The following ZCCHC4 variants were observed in gnomAD, a reference collection of about 807,000 sequenced individuals.
ZCCHC4 encodes rRNA N(6)-adenosine-methyltransferase ZCCHC4.
ZCCHC4 carries 54 observed loss-of-function variants against 67.7 expected under a neutral mutation model. That is an observed-to-expected ratio of 0.80 (90% CI 0.64 to 1.00). The LOEUF (loss-of-function observed/expected upper bound fraction) is 1.00, where lower values mean the gene tolerates loss of function less well. ZCCHC4 is among the 50% of genes least tolerant of loss of function. ZCCHC4 has a pLI of 0.00. For missense variants in ZCCHC4, 609 were observed against 617.0 expected (o/e 0.99, Z 0.14); for synonymous variants, 198 against 213.5 (o/e 0.93, Z 0.63).
intron 3 of ZCCHC4, among the ~76,000 whole-genome samples, chr4:25,328,820 C>T (rs1055659317): frequency 1.3e-5 from 2 of 151,792 alleles, no homozygotes; most frequent in Non-Finnish European, 2.9e-5. Flanking sequence ...TGGGCTCAAG[C>T]GATCCTCTCA....
At chr4:25,332,838 C>A (rs1391735755) in intron 3 of ZCCHC4, among the ~76,000 whole-genome samples, 1 of 152,120 alleles carries the variant, frequency 6.6e-6, no homozygotes, top group African/African-American at 2.4e-5. Flanking sequence ...AAAAGTTAGA[C>A]ATGTGGATTT....
chr4:25,326,081 G>A (rs1297571776), intron 3 of ZCCHC4, among the ~76,000 whole-genome samples: 1 of 152,320 alleles, frequency 6.6e-6, no homozygotes, highest in Non-Finnish European at 1.5e-5. Context: ...AGTAATGGAG[G>A]CCCAACATCC....
Position 25,316,727 on chromosome 4 carries a change from A to G in ZCCHC4, c.329+1327A>G, listed in dbSNP as rs376500585. Among the ~76,000 whole-genome samples the G allele has an allele frequency of 3.3e-5, 5 of 152,206 alleles. No homozygotes were observed. The East Asian group carries it at 9.6e-4, about 29-fold the overall frequency. ...TCTGGATATTACAACTTTGCCAAAT[A>G]TATGATTTGCAAATATTTTCTCCTA... On this transcript the variant is annotated intron_variant, in intron 3 of 12. Coordinates refer to ENST00000302874, the MANE Select transcript of ZCCHC4 (RefSeq NM_024936.3).
chr4:25,364,084 A>G (rs1256629320), intron 10 of ZCCHC4, among the ~76,000 whole-genome samples: 2 of 152,264 alleles, frequency 1.3e-5, no homozygotes, highest in Non-Finnish European at 2.9e-5. Context: ...GTTCTCAAAT[A>G]TGAATTTCAT....
At chr4:25,350,871 G>A (rs1320858187) in intron 7 of ZCCHC4, among the ~76,000 whole-genome samples, 1 of 152,172 alleles carries the variant, frequency 6.6e-6, no homozygotes, top group African/African-American at 2.4e-5. Context: ...GGACTTGATA[G>A]CTTATGGCTT....
At chr4:25,365,224 C>G in intron 12 of ZCCHC4, 58 bp downstream of exon 12, 1 of 1,593,774 alleles carries the variant, frequency 6.3e-7, no homozygotes, top group Non-Finnish European at 8.6e-7. Flanking sequence ...ACAGGATAAT[C>G]CACAAAAGCA....
At chr4:25,317,704 CAA>C (rs778867924) in intron 3 of ZCCHC4, among the ~76,000 whole-genome samples, 796 of 72,382 alleles carry the variant, frequency 0.011, 3 homozygotes, top group African/African-American at 0.037. Context: ...GACGCTGTCA[CAA>C]AAAAAAAAAA....
intron 3 of ZCCHC4, among the ~76,000 whole-genome samples, chr4:25,322,301 A>G (rs915303614): frequency 1.3e-5 from 2 of 152,058 alleles, no homozygotes; most frequent in African/African-American, 2.4e-5. Flanking sequence ...CATCACCTCA[A>G]AAGGAAACCT....
chr4:25,333,326 G>A lies in ZCCHC4; in HGVS notation c.473G>A (p.Ser158Asn). The A allele has an allele frequency of 6.2e-7, 1 of 1,614,086 alleles. No individual in the cohort carries two copies. Among genetic ancestry groups the A allele is most frequent in the South Asian group, 1.1e-5 (1 of 91,084 alleles). The change falls in exon 4 of 13, where the codon AGT (serine) becomes AAT (asparagine). Residue 158 changes from serine (S) to asparagine (N), a missense_variant. Ser to Asn is a conservative substitution (Grantham distance 46). Coordinates refer to ENST00000302874, the MANE Select transcript of ZCCHC4 (RefSeq NM_024936.3). ...TCCATTACCCAGTTAAGAAGGCCCAGTCAACTCCTTTATCCACTGGAAAAC... is the reference window on the plus strand; with the variant it reads ...TCCATTACCCAGTTAAGAAGGCCCAATCAACTCCTTTATCCACTGGAAAAC... ...NVSITQLRRP[S>N]QLLYPLENKK...
intron 3 of ZCCHC4, among the ~76,000 whole-genome samples, chr4:25,315,902 A>T (rs1718236348): frequency 6.6e-6 from 1 of 151,882 alleles, no homozygotes; most frequent in East Asian, 1.9e-4. Context: ...TTTTATAGAG[A>T]TAAGGTCTTG....
At chr4:25,332,974 A>G (rs1396141799) in intron 3 of ZCCHC4, among the ~76,000 whole-genome samples, 1 of 152,208 alleles carries the variant, frequency 6.6e-6, no homozygotes, top group Non-Finnish European at 1.5e-5. Context: ...CTCAATTCTT[A>G]TGAAATTGCT....
intron 5 of ZCCHC4, among the ~76,000 whole-genome samples, chr4:25,340,908 G>A (rs1249281917): frequency 2.0e-5 from 3 of 152,016 alleles, no homozygotes; most frequent in Non-Finnish European, 4.4e-5. Context: ...CTCTGCCACC[G>A]CTCCTCTTCT....
At chr4:25,328,151 G>C (rs1386351180) in intron 3 of ZCCHC4, among the ~76,000 whole-genome samples, 1 of 152,110 alleles carries the variant, frequency 6.6e-6, no homozygotes. Flanking sequence ...GTGTAGAATT[G>C]GTATTGACCC....
At chr4:25,324,690 AT>A (rs1232646051) in intron 3 of ZCCHC4, among the ~76,000 whole-genome samples, 1 of 152,126 alleles carries the variant, frequency 6.6e-6, no homozygotes, top group Admixed American at 6.5e-5. Flanking sequence ...GAGGAATCAG[AT>A]TTTTTTCCTG....
chr4:25,334,051 T>C lies in ZCCHC4; in HGVS notation c.686+63T>C. ...CCTGTTTCTTTTTAATGTTTTTCTG[T>C]TTTTAATTGTTTATACTCTGTTACA... On this transcript the variant is annotated intron_variant, in intron 5 of 12. Coordinates refer to ENST00000302874, the MANE Select transcript of ZCCHC4 (RefSeq NM_024936.3). 3 of 1,119,572 alleles carry C rather than the reference T, an allele frequency of 2.7e-6. No homozygotes were observed. In the South Asian group the frequency reaches 4.9e-5, roughly 18 times the overall value. The allele number at this position is 1,119,572 out of a possible 1,614,324, so 69.4% of individuals were successfully genotyped here.
At chr4:25,334,924 A>G (rs1186128505) in intron 5 of ZCCHC4, among the ~76,000 whole-genome samples, 1 of 151,974 alleles carries the variant, frequency 6.6e-6, no homozygotes, top group Non-Finnish European at 1.5e-5. Flanking sequence ...TGTACCCTCA[A>G]ACTCCTGGGG....
chr4:25,353,119 T>C (rs1047301361), intron 8 of ZCCHC4, among the ~76,000 whole-genome samples: 5 of 152,252 alleles, frequency 3.3e-5, no homozygotes, highest in Non-Finnish European at 7.3e-5. Flanking sequence ...AAATAAATTA[T>C]TTCATTTACA....
chr4:25,324,175 ATTT>A (rs113889759), intron 3 of ZCCHC4, among the ~76,000 whole-genome samples: 1 of 142,852 alleles, frequency 7.0e-6, no homozygotes, highest in Non-Finnish European at 1.5e-5. Context: ...TGCCTGGCTA[ATTT>A]TTTTTTTTTT....
chr4:25,333,840 T>G, intron 4 of ZCCHC4, 68 bp from the exon 5 acceptor site: 1 of 1,064,756 alleles, frequency 9.4e-7, no homozygotes, highest in Non-Finnish European at 1.3e-6. Context: ...ATGGTTTTGT[T>G]GTTTGTTTGT....
Sources: gnomAD v4.1 joint callset for allele counts (sites outside exome capture counted in the v4.1 genomes callset) on GRCh38, gnomAD v4.1.1 for gene constraint, MANE v1.5 for transcripts, NCBI Gene and HGNC (gene_info 2026-07-23, HGNC 2026-07-21) for gene names.